The following ZFYVE9 variants were observed in gnomAD, a reference collection of about 807,000 sequenced individuals.
ZFYVE9 encodes the protein zinc finger FYVE-type containing 9.
ZFYVE9 carries 43 observed loss-of-function variants against 126.7 expected under a neutral mutation model. That is an observed-to-expected ratio of 0.34 (90% CI 0.27 to 0.44). ZFYVE9 has a LOEUF of 0.44. ZFYVE9 is among the 20% of genes least tolerant of loss of function. ZFYVE9 has a pLI of 1.00. For synonymous variants in ZFYVE9, 521 were observed against 597.4 expected (o/e 0.87, Z 1.87); for missense variants, 1,476 against 1,697.0 (o/e 0.87, Z 2.29).
intron 10 of ZFYVE9, among the ~76,000 whole-genome samples, chr1:52,286,850 C>T (rs1645866634): frequency 6.6e-6 from 1 of 152,150 alleles, no homozygotes; most frequent in South Asian, 2.1e-4. Context: ...TCTCTCCATA[C>T]TTCCATTGTA....
intron 1 of ZFYVE9, among the ~76,000 whole-genome samples, chr1:52,209,650 T>C (rs1463839293): frequency 6.6e-6 from 1 of 152,200 alleles, no homozygotes; most frequent in Non-Finnish European, 1.5e-5. Context: ...GGTCCATTCA[T>C]GTTGTAGCAT....
intron 7 of ZFYVE9, among the ~76,000 whole-genome samples, chr1:52,273,510 A>T (rs963293493): frequency 6.6e-6 from 1 of 152,074 alleles, no homozygotes; most frequent in South Asian, 2.1e-4. Flanking sequence ...AATATAGCTA[A>T]TGTGATCTGC....
Position 52,238,331 on chromosome 1 carries a change from G to C in ZFYVE9, c.914G>C (p.Gly305Ala), listed in dbSNP as rs1447314040. The stretch of plus-strand genomic sequence containing the variant: ...ATCAGCTCTCCTAGGACAGATCTAG[G>C]GAGTCCAAATTCCTTTTCCCACATG... The part of the protein sequence containing the change: ...GKISSPRTDL[G>A]SPNSFSHMSE... Residue 305 changes from glycine to alanine, a missense_variant, in exon 4 of 19, where the codon GGG becomes GCG. This residue lies in a region of ZFYVE9 where 807 missense variants were observed against 794.6 expected (regional missense o/e 1.02). Transcript: ENST00000287727. 10 of 1,613,710 alleles carry C rather than the reference G, an allele frequency of 6.2e-6. No individual in the cohort carries two copies. In the South Asian group the frequency reaches 1.1e-4, roughly 18 times the overall value.
chr1:52,315,420 C>A (rs1355839706), intron 13 of ZFYVE9, among the ~76,000 whole-genome samples: 1 of 151,996 alleles, frequency 6.6e-6, no homozygotes, highest in African/African-American at 2.4e-5. Flanking sequence ...GGAATGAGAC[C>A]CTGTCTCTAA....
At chr1:52,337,402 T>C (rs1646399305) in intron 15 of ZFYVE9, among the ~76,000 whole-genome samples, 1 of 152,224 alleles carries the variant, frequency 6.6e-6, no homozygotes, top group Non-Finnish European at 1.5e-5. Context: ...CAGGCAGTCA[T>C]AGTAAGGTGA....
chr1:52,150,107 T>G (rs1380864539), intron 1 of ZFYVE9: 1 of 152,134 alleles, frequency 6.6e-6, no homozygotes, highest in Admixed American at 6.6e-5. Flanking sequence ...ATAAACTGAC[T>G]GGTGTGGTGG....
intron 13 of ZFYVE9, among the ~76,000 whole-genome samples, chr1:52,328,745 C>CT (rs1478058398): frequency 6.6e-6 from 1 of 152,202 alleles, no homozygotes; most frequent in Non-Finnish European, 1.5e-5. Context: ...CTAAATGTGT[C>CT]TGTCAGTTGG....
intron 1 of ZFYVE9, among the ~76,000 whole-genome samples, chr1:52,143,813 G>T (rs1644283866): frequency 6.6e-6 from 1 of 152,200 alleles, no homozygotes; most frequent in African/African-American, 2.4e-5. Flanking sequence ...GCAGCATGGG[G>T]TCTCCATCTA....
chr1:52,218,337 G>A (rs1645091848), intron 2 of ZFYVE9, among the ~76,000 whole-genome samples: 1 of 152,176 alleles, frequency 6.6e-6, no homozygotes. Context: ...AAAGGTTTAG[G>A]CCCACTACAT....
chr1:52,251,709 A>C (rs758935086), intron 4 of ZFYVE9, among the ~76,000 whole-genome samples: 1 of 152,222 alleles, frequency 6.6e-6, no homozygotes, highest in Admixed American at 6.5e-5. Flanking sequence ...CTGGCTTCAC[A>C]GAAGGAGTTA....
chr1:52,267,304 A>AT (rs1645644049), intron 6 of ZFYVE9, among the ~76,000 whole-genome samples: 1 of 152,148 alleles, frequency 6.6e-6, no homozygotes, highest in Admixed American at 6.5e-5. Flanking sequence ...AAATATGAAC[A>AT]TTTTTGTGTT....
chr1:52,261,459 G>T (rs550932116), intron 4 of ZFYVE9, among the ~76,000 whole-genome samples: 2 of 152,166 alleles, frequency 1.3e-5, no homozygotes, highest in East Asian at 3.9e-4. Flanking sequence ...AAATTGCATT[G>T]CATGAAGGCA....
chr1:52,255,964 TTTTCTTTCTTTC>T (rs1323951883), intron 4 of ZFYVE9, among the ~76,000 whole-genome samples: 16 of 68,570 alleles, frequency 2.3e-4, no homozygotes, highest in African/African-American at 1.4e-3. Flanking sequence ...TTTTCTTTTC[TTTTCTTTCTTTC>T]TTTCTTTCCT....
chr1:52,214,660 A>G (rs1362451726), intron 1 of ZFYVE9, among the ~76,000 whole-genome samples: 4 of 152,004 alleles, frequency 2.6e-5, no homozygotes, highest in African/African-American at 9.7e-5. Flanking sequence ...AACCAATAGT[A>G]TATGGAGGGG....
chr1:52,238,287 T>G lies in ZFYVE9; in HGVS notation c.870T>G (p.Asp290Glu), dbSNP rs758647603. The change falls in exon 4 of 19, where the codon GAT becomes GAG. Residue 290 changes from aspartate to glutamate, a missense_variant. Physicochemically the swap from Asp to Glu is conservative, Grantham distance 45. This residue lies in a region of ZFYVE9 where 807 missense variants were observed against 794.6 expected (regional missense o/e 1.02). Coordinates refer to ENST00000287727, the MANE Select transcript of ZFYVE9 (RefSeq NM_004799.4). ...AVKKQENYIP[D>E]EDLTGKISSP... ...AAAAGCAAGAGAACTATATACCAGA[T>G]GAGGACCTCACTGGCAAAATCAGCT... 1 of 1,613,820 alleles carries G rather than the reference T, an allele frequency of 6.2e-7. No individual in the cohort carries two copies. The highest frequency in any genetic ancestry group is 1.3e-5 in the African/African-American group (1 of 74,906).
chr1:52,281,140 T>TC (rs1645798884), intron 9 of ZFYVE9, among the ~76,000 whole-genome samples: 1 of 149,850 alleles, frequency 6.7e-6, no homozygotes, highest in South Asian at 2.1e-4. Context: ...CTTTTCTTTT[T>TC]TTTTTTTTTT....
At chr1:52,250,578 C>G (rs762880333) in intron 4 of ZFYVE9, among the ~76,000 whole-genome samples, 2 of 152,084 alleles carry the variant, frequency 1.3e-5, no homozygotes, top group Non-Finnish European at 2.9e-5. Context: ...GATAATTTTA[C>G]CTTTTCCTTT....
chr1:52,282,842 A>G (rs188123503), intron 10 of ZFYVE9, among the ~76,000 whole-genome samples: 112 of 152,326 alleles, frequency 7.4e-4, no homozygotes, highest in African/African-American at 2.4e-3. Flanking sequence ...TTTTTTGGCC[A>G]TTAAAACAAT....
chr1:52,190,319 G>A (rs543027673), intron 1 of ZFYVE9: 2 of 152,260 alleles, frequency 1.3e-5, no homozygotes, highest in African/African-American at 4.8e-5. Context: ...TTCTTGCAGT[G>A]GATGTGGCAA....
Sources: allele counts gnomAD v4.1 joint callset (sites outside exome capture counted in the v4.1 genomes callset), GRCh38; gene constraint gnomAD v4.1.1; regional missense constraint gnomAD v4.1.1; transcripts MANE v1.5; gene names NCBI Gene and HGNC (gene_info 2026-07-23, HGNC 2026-07-21).